The following TRIM36 variants were observed in gnomAD, a reference collection of about 807,000 sequenced individuals.
The protein encoded by TRIM36 is E3 ubiquitin-protein ligase TRIM36.
A neutral mutation model predicts 72.4 loss-of-function variants in TRIM36; 42 were observed. The ratio of observed to expected loss-of-function variants is 0.58; its 90% CI spans 0.45 to 0.75. The LOEUF is 0.75. Among genes scored for constraint, TRIM36 ranks in the 30% least tolerant of loss-of-function variants. TRIM36 has a pLI of 0.00. For missense variants in TRIM36, 913 were observed against 857.1 expected, an observed-to-expected ratio of 1.07 and a Z score of -0.81; for synonymous variants, 315 against 282.8, an observed-to-expected ratio of 1.11 and a Z score of -1.14.
At chr5:115,139,459 G>A (rs780398249) in intron 5 of TRIM36, among the ~76,000 whole-genome samples, 4 of 152,228 alleles carry the variant, frequency 2.6e-5, no homozygotes, top group East Asian at 1.9e-4. Flanking sequence ...TGGCAGAAGC[G>A]TACTGTGCAT....
chr5:115,133,974 T>C lies in TRIM36; in HGVS notation c.1384A>G (p.Ile462Val), dbSNP rs150549112. ...CTACTGTTTTCCAAGTCTTGAATTA[T>C]TTTACTTGTTCCACACACTTCTATC... Reference protein sequence around the residue: ...NEIEVCGTSKIIQDLENSSTY... With the variant: ...NEIEVCGTSKVIQDLENSSTY... Residue 462 changes from isoleucine (I) to valine (V), a missense_variant, in exon 8 of 10, where the codon ATA becomes GTA. Coordinates refer to ENST00000513154, the MANE Select transcript of TRIM36 (RefSeq NM_001300759.2). 1.1e-4 allele frequency: 179 copies of C among 1,613,844 alleles called. No homozygotes were observed. Among genetic ancestry groups the C allele is most frequent in the Admixed American group, 1.8e-4 (11 of 59,984 alleles).
At chr5:115,142,275 G>A (rs575613255) in intron 4 of TRIM36, among the ~76,000 whole-genome samples, 9 of 152,198 alleles carry the variant, frequency 5.9e-5, no homozygotes, top group South Asian at 2.1e-4. Flanking sequence ...TGAGAGGTAC[G>A]TCTCAGCACC....
At chr5:115,156,526 A>G (rs7725481) in intron 2 of TRIM36, among the ~76,000 whole-genome samples, 15,946 of 152,222 alleles carry the variant, frequency 0.1, 1,456 homozygotes, top group East Asian at 0.42. Context: ...CTTACAGCCA[A>G]CTGATCTTCA....
At chr5:115,157,581 A>G (rs951750038) in intron 2 of TRIM36, among the ~76,000 whole-genome samples, 1 of 152,096 alleles carries the variant, frequency 6.6e-6, no homozygotes, top group Non-Finnish European at 1.5e-5. Context: ...AAAAGTACTA[A>G]AAGTGGAACT....
intron 1 of TRIM36, among the ~76,000 whole-genome samples, chr5:115,178,706 C>G (rs1755462300): frequency 6.6e-6 from 1 of 152,092 alleles, no homozygotes; most frequent in Non-Finnish European, 1.5e-5. Context: ...TACTTCTGGC[C>G]CGGGGTTGTA....
intron 8 of TRIM36, among the ~76,000 whole-genome samples, chr5:115,132,170 C>G (rs1752718839): frequency 7.3e-6 from 1 of 137,396 alleles, no homozygotes; most frequent in Admixed American, 7.5e-5. Context: ...GACCCCATCT[C>G]TCTCTCTCTC....
intron 4 of TRIM36, among the ~76,000 whole-genome samples, chr5:115,143,630 C>T (rs1753406094): frequency 6.6e-6 from 1 of 151,724 alleles, no homozygotes; most frequent in African/African-American, 2.4e-5. Context: ...AAATGCAAAA[C>T]ACAAAAGTTT....
At chr5:115,175,036 T>C (rs2126957142) in intron 1 of TRIM36, among the ~76,000 whole-genome samples, 1 of 152,296 alleles carries the variant, frequency 6.6e-6, no homozygotes, top group South Asian at 2.1e-4. Flanking sequence ...CTTATTATTC[T>C]TCCCTGTAGG....
chr5:115,136,041 T>C (rs1752948718), intron 7 of TRIM36, among the ~76,000 whole-genome samples: 1 of 152,092 alleles, frequency 6.6e-6, no homozygotes, highest in Non-Finnish European at 1.5e-5. Flanking sequence ...AAGACCTCCC[T>C]GCTAGGGAGT....
chr5:115,146,284 A>G (rs1753588183), intron 3 of TRIM36, among the ~76,000 whole-genome samples: 1 of 152,154 alleles, frequency 6.6e-6, no homozygotes. Flanking sequence ...AGTTTCAAAA[A>G]CACTTTTGAG....
intron 5 of TRIM36, among the ~76,000 whole-genome samples, chr5:115,140,653 AC>A (rs1441370208): frequency 1.3e-5 from 2 of 152,156 alleles, no homozygotes; most frequent in Non-Finnish European, 1.5e-5. Context: ...AAATGTAATC[AC>A]ATAGTATGTA....
chr5:115,136,068 A>T (rs1327157946), intron 7 of TRIM36, among the ~76,000 whole-genome samples: 2 of 152,134 alleles, frequency 1.3e-5, no homozygotes, highest in Admixed American at 6.5e-5. Flanking sequence ...ATACAAACGT[A>T]AGCAAGTGTT....
chr5:115,156,822 T>C (rs1754200331), intron 2 of TRIM36, among the ~76,000 whole-genome samples: 1 of 152,130 alleles, frequency 6.6e-6, no homozygotes, highest in African/African-American at 2.4e-5. Context: ...TTGCTGGGAC[T>C]TAATTAAACT....
At chr5:115,143,875 TTTTG>T (rs1048693321) in intron 4 of TRIM36, among the ~76,000 whole-genome samples, 4 of 152,100 alleles carry the variant, frequency 2.6e-5, no homozygotes, top group Non-Finnish European at 4.4e-5. Flanking sequence ...TCAGGTTTTT[TTTTG>T]TTTGTTTTTG....
At chr5:115,166,144 T>G (rs1290009167) in intron 1 of TRIM36, among the ~76,000 whole-genome samples, 3 of 152,178 alleles carry the variant, frequency 2.0e-5, no homozygotes, top group African/African-American at 7.2e-5. Flanking sequence ...AGGTCCCTGC[T>G]GAAACCCCAC....
intron 8 of TRIM36, 127 bp from the exon 9 acceptor site, chr5:115,131,016 C>A (rs1250219433): frequency 1.0e-5 from 11 of 1,070,670 alleles, no homozygotes; most frequent in Non-Finnish European, 1.3e-5. Context: ...TCACACTACC[C>A]CGGACAACTA....
chr5:115,130,763 A>G lies in TRIM36; in HGVS notation c.1625T>C (p.Val542Ala). The G allele has an allele frequency of 1.2e-6, 2 of 1,614,034 alleles. No individual in the cohort carries two copies. The highest frequency in any genetic ancestry group is 1.7e-6 in the Non-Finnish European group (2 of 1,180,014). ...GTAGTCTAAGCTTGTGTAATAACCC[A>G]CTTGGATGCGTTCTGCAGCAAGCAG... ...NLLLAAERIQ[V>A]GYYTSLDYII... The change falls in exon 9 of 10, where the codon GTG (valine) becomes GCG (alanine). Residue 542 changes from valine to alanine, a missense_variant. Val to Ala is a moderately conservative substitution (Grantham distance 64). Transcript: ENST00000513154.
chr5:115,169,857 C>A lies in TRIM36; in HGVS notation c.-223G>T, dbSNP rs1019318099. 1.5e-6 allele frequency: 2 copies of A among 1,307,336 alleles called. No individual in the cohort carries two copies. Among genetic ancestry groups the A allele is most frequent in the Non-Finnish European group, 1.9e-6 (2 of 1,026,828 alleles). 81.0% of individuals were successfully genotyped at this position (1,307,336 alleles called of 1,614,324 possible). ...AAGCGAGCTTTGCTCCCAGCGACTA[C>A]CCCGGGAATCCCGCCCAGCTGCCGG... On this transcript the variant is annotated 5_prime_UTR_variant, in exon 1 of 10. Transcript: ENST00000513154.
At chr5:115,168,326 C>G (rs1754903471) in intron 1 of TRIM36, among the ~76,000 whole-genome samples, 2 of 151,946 alleles carry the variant, frequency 1.3e-5, no homozygotes, top group Admixed American at 1.3e-4. Context: ...ACCAGTTTCC[C>G]CATCATTTCT....
Sources: allele counts gnomAD v4.1 joint callset (sites outside exome capture counted in the v4.1 genomes callset), GRCh38; gene constraint gnomAD v4.1.1; transcripts MANE v1.5; gene names NCBI Gene and HGNC (gene_info 2026-07-23, HGNC 2026-07-21).